ADK: variants seen among roughly 807,000 people sequenced by gnomAD.
ADK encodes the protein N6,N6-dimethyladenosine kinase.
A neutral mutation model predicts 44.7 loss-of-function variants in ADK; 24 were observed. The ratio of observed to expected loss-of-function variants is 0.54; its 90% CI spans 0.39 to 0.76. ADK has a LOEUF of 0.76. ADK is among the 30% of genes least tolerant of loss of function. ADK has a pLI of 0.00. For synonymous variants in ADK, 128 were observed against 142.6 expected, an observed-to-expected ratio of 0.90 and a Z score of 0.73; for missense variants, 321 against 425.1, an observed-to-expected ratio of 0.76 and a Z score of 2.15.
intron 6 of ADK, among the ~76,000 whole-genome samples, chr10:74,438,377 A>C (rs2133120749): frequency 6.7e-6 from 1 of 150,040 alleles, no homozygotes; most frequent in East Asian, 1.9e-4. Context: ...GGTGCCTGTC[A>C]CCACATCCGG....
intron 6 of ADK, among the ~76,000 whole-genome samples, chr10:74,468,074 C>T (rs1171056590): frequency 6.6e-6 from 1 of 152,118 alleles, no homozygotes; most frequent in Non-Finnish European, 1.5e-5. Context: ...GTGCCCTTTT[C>T]TATTCAGTAA....
chr10:74,573,743 T>C (rs1851062822), intron 7 of ADK, among the ~76,000 whole-genome samples: 1 of 152,174 alleles, frequency 6.6e-6, no homozygotes, highest in African/African-American at 2.4e-5. Flanking sequence ...GCTGCTGCCT[T>C]GCAGTTTGAT....
chr10:74,652,901 A>G (rs2134138914), intron 9 of ADK, among the ~76,000 whole-genome samples: 1 of 152,276 alleles, frequency 6.6e-6, no homozygotes, highest in African/African-American at 2.4e-5. Context: ...ATGACTCACC[A>G]TTCAAACTAC....
At chr10:74,639,149 G>C (rs1853734593) in intron 9 of ADK, among the ~76,000 whole-genome samples, 1 of 152,090 alleles carries the variant, frequency 6.6e-6, no homozygotes, top group Non-Finnish European at 1.5e-5. Context: ...GGTTGAACCT[G>C]GATATGTTAG....
intron 6 of ADK, among the ~76,000 whole-genome samples, chr10:74,455,666 C>T (rs986079825): frequency 3.9e-5 from 6 of 152,104 alleles, no homozygotes; most frequent in South Asian, 2.1e-4. Context: ...TGCGCCACCA[C>T]GCCCAGCTAA....
chr10:74,522,211 A>G (rs1461177454), intron 6 of ADK, among the ~76,000 whole-genome samples: 1 of 152,210 alleles, frequency 6.6e-6, no homozygotes, highest in Non-Finnish European at 1.5e-5. Flanking sequence ...GATGAAAGAC[A>G]TGGATAGTTG....
intron 10 of ADK, among the ~76,000 whole-genome samples, chr10:74,704,962 G>A (rs1350611716): frequency 6.6e-6 from 1 of 152,206 alleles, no homozygotes; most frequent in Non-Finnish European, 1.5e-5. Flanking sequence ...TCTTGAGAGA[G>A]TGATTTTACA....
chr10:74,434,785 G>C (rs1202094404), intron 6 of ADK, among the ~76,000 whole-genome samples: 2 of 152,102 alleles, frequency 1.3e-5, no homozygotes, highest in African/African-American at 4.8e-5. Flanking sequence ...GTTTGGTCTG[G>C]TGGGCCTAGT....
At chr10:74,589,407 A>G (rs1466282563) in intron 8 of ADK, 90 bp downstream of exon 8, 22 of 1,326,716 alleles carry the variant, frequency 1.7e-5, no homozygotes, top group Non-Finnish European at 2.2e-5. Context: ...TTGATGTGCT[A>G]TTATACTCTC....
intron 8 of ADK, among the ~76,000 whole-genome samples, chr10:74,595,389 TTTTGGG>T (rs1321525125): frequency 0.037 from 225 of 6,138 alleles, 6 homozygotes; most frequent in African/African-American, 0.11. Flanking sequence ...TTTTTTTTTT[TTTTGGG>T]GAGGGGGTTT....
intron 3 of ADK, among the ~76,000 whole-genome samples, chr10:74,305,240 A>G (rs1184284695): frequency 6.6e-6 from 1 of 152,200 alleles, no homozygotes; most frequent in Non-Finnish European, 1.5e-5. Context: ...ACATACGGAT[A>G]TGGAGGGCCA....
intron 2 of ADK, among the ~76,000 whole-genome samples, chr10:74,216,854 G>A (rs113964614): frequency 0.032 from 4,861 of 152,236 alleles, 278 homozygotes; most frequent in African/African-American, 0.11. Flanking sequence ...TGAGGAGTAT[G>A]TCATCCTTTT....
At position 74,536,481 on chromosome 10, in the gene ADK, TAA is replaced by T. The variant is rs34777095; in HGVS notation, c.726+11064_726+11065del. Among the ~76,000 whole-genome samples the T allele has an allele frequency of 6.0e-5, 9 of 149,756 alleles. 1 individual carries two copies. Among genetic ancestry groups the T allele is most frequent in the African/African-American group, 1.7e-4 (7 of 40,954 alleles). The stretch of plus-strand genomic sequence containing the variant: ...ATTTACTTTCTTTTTTTAATTCTGG[TAA>T]AAAAAAAATACACAATATAAAATTT... On this transcript the variant is annotated intron_variant, in intron 7 of 10. Coordinates refer to ENST00000539909, the MANE Select transcript of ADK (RefSeq NM_006721.4).
chr10:74,267,194 C>G (rs575613816), intron 3 of ADK, among the ~76,000 whole-genome samples: 1 of 152,276 alleles, frequency 6.6e-6, no homozygotes, highest in South Asian at 2.1e-4. Flanking sequence ...CATGCACCTA[C>G]TTATATTAGT....
intron 7 of ADK, among the ~76,000 whole-genome samples, chr10:74,547,650 TTTTTG>T (rs1300521072): frequency 2.7e-5 from 4 of 150,856 alleles, no homozygotes; most frequent in East Asian, 1.9e-4. Flanking sequence ...CCCAGCTAAT[TTTTTG>T]TTTTGTTTTG....
intron 9 of ADK, among the ~76,000 whole-genome samples, chr10:74,628,291 T>G (rs980724829): frequency 6.6e-6 from 1 of 152,118 alleles, no homozygotes; most frequent in Non-Finnish European, 1.5e-5. Flanking sequence ...GAGGTGATCA[T>G]TTCTCCTCAG....
chr10:74,551,879 G>C lies in ADK; in HGVS notation c.726+26453G>C, dbSNP rs529764349. ...CAGGATACCAGTATTCAAGTCCCTT[G>C]CATAAAATGGTGAAGTATTTGCATA... On this transcript the variant is annotated intron_variant, in intron 7 of 10. Coordinates refer to ENST00000539909, the MANE Select transcript of ADK (RefSeq NM_006721.4). Among the ~76,000 whole-genome samples the C allele has an allele frequency of 3.9e-5, 6 of 152,160 alleles. 1 individual carries two copies. The South Asian group carries it at 1.0e-3, about 26-fold the overall frequency.
chr10:74,567,803 A>G (rs1375821193), intron 7 of ADK, among the ~76,000 whole-genome samples: 4 of 145,424 alleles, frequency 2.8e-5, no homozygotes, highest in Admixed American at 2.1e-4. Flanking sequence ...GATTCACGCC[A>G]TTCTCCTGCC....
At chr10:74,518,621 C>A (rs146026257) in intron 6 of ADK, among the ~76,000 whole-genome samples, 30 of 152,252 alleles carry the variant, frequency 2.0e-4, no homozygotes, top group South Asian at 4.1e-4. Context: ...ATATTTCTTA[C>A]AATTTATTTT....
Sources: gnomAD v4.1 joint callset for allele counts (sites outside exome capture counted in the v4.1 genomes callset) on GRCh38, gnomAD v4.1.1 for gene constraint, MANE v1.5 for transcripts, NCBI Gene and HGNC (gene_info 2026-07-23, HGNC 2026-07-21) for gene names.